Variants in GRB2 observed in about 807,000 individuals in gnomAD.
The protein encoded by GRB2 is growth factor receptor-bound protein 2.
GRB2 carries 2 observed loss-of-function variants against 27.4 expected under a neutral mutation model. The observed-to-expected ratio is 0.07, with a 90% CI of 0.03 to 0.23. The LOEUF is 0.23. Ranked by LOEUF, GRB2 falls within the 10% of genes least tolerant of loss-of-function variation. The pLI is 1.00. For synonymous variants in GRB2, 94 were observed against 99.6 expected, an observed-to-expected ratio of 0.94 and a Z score of 0.33; for missense variants, 102 against 282.4, an observed-to-expected ratio of 0.36 and a Z score of 4.58.
At chr17:75,351,967 C>T (rs2078695359) in intron 2 of GRB2, among the ~76,000 whole-genome samples, 1 of 152,198 alleles carries the variant, frequency 6.6e-6, no homozygotes, top group Admixed American at 6.5e-5. Flanking sequence ...ACCCCAAGTA[C>T]AGGCCTTTGC....
intron 3 of GRB2, among the ~76,000 whole-genome samples, chr17:75,328,416 G>T (rs368814814): frequency 1.3e-5 from 2 of 152,162 alleles, no homozygotes. Flanking sequence ...CGAGGTGGGC[G>T]GATCATCTGA....
intron 2 of GRB2, among the ~76,000 whole-genome samples, chr17:75,357,958 C>T (rs1359056151): frequency 1.3e-5 from 2 of 152,082 alleles, no homozygotes; most frequent in Non-Finnish European, 2.9e-5. Flanking sequence ...ATTAGCTGGG[C>T]GTGGTGGCGC....
chr17:75,323,065 G>C (rs1339821904), intron 4 of GRB2, among the ~76,000 whole-genome samples: 2 of 150,000 alleles, frequency 1.3e-5, no homozygotes, highest in African/African-American at 2.5e-5. Context: ...CTTGCAGTGA[G>C]CCGAGATTGG....
At chr17:75,376,281 G>A (rs1199692867) in intron 2 of GRB2, among the ~76,000 whole-genome samples, 1 of 147,200 alleles carries the variant, frequency 6.8e-6, no homozygotes, top group Non-Finnish European at 1.5e-5. Context: ...GGAGGCAGAC[G>A]TTGCAGTGAG....
At chr17:75,388,146 G>C (rs1033723881) in intron 2 of GRB2, among the ~76,000 whole-genome samples, 1 of 152,046 alleles carries the variant, frequency 6.6e-6, no homozygotes, top group Non-Finnish European at 1.5e-5. Flanking sequence ...GCCCAGGCTG[G>C]AGTGGAATGG....
At chr17:75,367,154 T>C (rs2078825224) in intron 2 of GRB2, among the ~76,000 whole-genome samples, 1 of 152,112 alleles carries the variant, frequency 6.6e-6, no homozygotes, top group African/African-American at 2.4e-5. Flanking sequence ...ACAAAGGTTA[T>C]AATCAGACCC....
At chr17:75,389,136 A>T (rs901381466) in intron 2 of GRB2, among the ~76,000 whole-genome samples, 1 of 152,198 alleles carries the variant, frequency 6.6e-6, no homozygotes, top group African/African-American at 2.4e-5. Context: ...AGGCTTCTTA[A>T]GGACCAGATC....
At chr17:75,328,273 G>C (rs1482369854) in intron 3 of GRB2, among the ~76,000 whole-genome samples, 2 of 151,874 alleles carry the variant, frequency 1.3e-5, no homozygotes, top group Admixed American at 6.6e-5. Flanking sequence ...GTAGTGAGCC[G>C]AGACTGTGCC....
At chr17:75,385,029 C>CAAAAAAA (rs58860615) in intron 2 of GRB2, among the ~76,000 whole-genome samples, 4 of 55,324 alleles carry the variant, frequency 7.2e-5, no homozygotes, top group African/African-American at 1.9e-4. Context: ...CTGGCTCTAC[C>CAAAAAAA]AAAAAAAAAA....
chr17:75,359,309 C>A (rs573672711), intron 2 of GRB2, among the ~76,000 whole-genome samples: 6 of 151,712 alleles, frequency 4.0e-5, no homozygotes, highest in African/African-American at 1.5e-4. Flanking sequence ...GGCTCAAGAC[C>A]AGCCTAGGCA....
intron 4 of GRB2, among the ~76,000 whole-genome samples, chr17:75,323,243 A>C (rs2078472758): frequency 6.6e-6 from 1 of 152,070 alleles, no homozygotes; most frequent in South Asian, 2.1e-4. Context: ...TCAATCCGGC[A>C]GGTGGCAGCA....
At chr17:75,344,042 C>A (rs963215054) in intron 2 of GRB2, among the ~76,000 whole-genome samples, 1 of 152,072 alleles carries the variant, frequency 6.6e-6, no homozygotes, top group Non-Finnish European at 1.5e-5. Flanking sequence ...CACAGTGTGA[C>A]GAATGTCAGG....
intron 2 of GRB2, chr17:75,370,889 T>C (rs181835393): frequency 1.3e-5 from 2 of 152,370 alleles, no homozygotes; most frequent in East Asian, 1.9e-4. Context: ...CCTTTCATAG[T>C]TGATCTTTCT....
chr17:75,330,443 G>A (rs2078532122), intron 3 of GRB2, among the ~76,000 whole-genome samples: 1 of 151,746 alleles, frequency 6.6e-6, no homozygotes, highest in African/African-American at 2.4e-5. Context: ...GCTTACACCT[G>A]TAATCCCAGC....
At chr17:75,354,309 C>T (rs1033881246) in intron 2 of GRB2, among the ~76,000 whole-genome samples, 2 of 146,810 alleles carry the variant, frequency 1.4e-5, no homozygotes, top group African/African-American at 5.3e-5. Context: ...TCCCAGGCTG[C>T]AGTGCAATGG....
At chr17:75,323,858 G>C (rs1224199980) in intron 4 of GRB2, among the ~76,000 whole-genome samples, 1 of 151,320 alleles carries the variant, frequency 6.6e-6, no homozygotes, top group Non-Finnish European at 1.5e-5. Flanking sequence ...CACCCAGGCT[G>C]GAATGCAATG....
chr17:75,354,255 C>CT (rs201547642), intron 2 of GRB2, among the ~76,000 whole-genome samples: 526 of 44,470 alleles, frequency 0.012, 68 homozygotes, highest in African/African-American at 0.037. Flanking sequence ...TATTCATGGT[C>CT]TTTTTTTTTG....
At chr17:75,370,392 T>C (rs370019465) in intron 2 of GRB2, among the ~76,000 whole-genome samples, 2 of 152,228 alleles carry the variant, frequency 1.3e-5, no homozygotes, top group African/African-American at 4.8e-5. Flanking sequence ...AGAGAATTTG[T>C]ACCACTTGTT....
chr17:75,381,595 C>A (rs6501784), intron 2 of GRB2, among the ~76,000 whole-genome samples: 98,488 of 150,676 alleles, frequency 0.65, 37,517 homozygotes, highest in East Asian at 0.91. Flanking sequence ...GTGGCGGGCA[C>A]CTGTAATCCC....
Sources: allele counts gnomAD v4.1 joint callset (sites outside exome capture counted in the v4.1 genomes callset), GRCh38; gene constraint gnomAD v4.1.1; transcripts MANE v1.5; gene names NCBI Gene and HGNC (gene_info 2026-07-23, HGNC 2026-07-21).